VPS26A: variants seen among roughly 807,000 people sequenced by gnomAD.
The protein encoded by VPS26A is vacuolar protein sorting-associated protein 26A.
In VPS26A, 22 loss-of-function variants were observed where a neutral mutation model predicts 42.4. The ratio of observed to expected loss-of-function variants is 0.52; its 90% confidence interval spans 0.37 to 0.74. The LOEUF (loss-of-function observed/expected upper bound fraction) is 0.74. VPS26A is among the 30% of genes least tolerant of loss of function. VPS26A has a pLI of 0.00. For missense variants in VPS26A, 276 were observed against 379.2 expected, an observed-to-expected ratio of 0.73 and a Z score of 2.26; for synonymous variants, 110 against 123.5, an observed-to-expected ratio of 0.89 and a Z score of 0.73.
intron 6 of VPS26A, among the ~76,000 whole-genome samples, chr10:69,164,765 T>C (rs1338691619): frequency 6.6e-6 from 1 of 152,204 alleles, no homozygotes; most frequent in Non-Finnish European, 1.5e-5. Context: ...TTTTAAAATA[T>C]TAATTCATTT....
intron 7 of VPS26A, among the ~76,000 whole-genome samples, chr10:69,167,634 T>C (rs186194194): frequency 1.5e-3 from 222 of 149,390 alleles, no homozygotes; most frequent in African/African-American, 5.3e-3. Flanking sequence ...TCCCAGCTAC[T>C]CGGGAGGCTG....
rs1200347255 is a variant in VPS26A, at chr10:69,149,739, T to G, written c.154-6073T>G. On this transcript the variant is annotated intron_variant, in intron 2 of 8. Transcript: ENST00000263559. ...TAACTTTCTTGGTGTTTTTTGTTTT[T>G]TTTTTTTTTTTTTTTTTTTTTTTTT... is the stretch of plus-strand genomic sequence containing the variant. Among the ~76,000 whole-genome samples, 91 of 32,310 alleles carry G rather than the reference T, an allele frequency of 2.8e-3. 4 individuals are homozygous for G. The highest frequency in any genetic ancestry group is 5.6e-3 in the African/African-American group (76 of 13,630). The allele number at this position is 32,310 out of a possible 152,430, so 21.2% of individuals were successfully genotyped here.
At chr10:69,153,145 G>T (rs1161265110) in intron 2 of VPS26A, among the ~76,000 whole-genome samples, 1 of 150,956 alleles carries the variant, frequency 6.6e-6, no homozygotes, top group Non-Finnish European at 1.5e-5. Context: ...CGCCCCCCGG[G>T]TTCAAGTGAT....
intron 2 of VPS26A, among the ~76,000 whole-genome samples, chr10:69,138,765 A>C (rs1840977018): frequency 6.6e-6 from 1 of 152,168 alleles, no homozygotes; most frequent in Non-Finnish European, 1.5e-5. Context: ...TTACATGTAT[A>C]TCTCCTTTCT....
chr10:69,136,823 G>A (rs550869134), intron 2 of VPS26A, among the ~76,000 whole-genome samples: 211 of 148,758 alleles, frequency 1.4e-3, no homozygotes, highest in African/African-American at 5.1e-3. Context: ...ATGGAGTCTC[G>A]CTCTGTTGCC....
At chr10:69,163,375 C>T (rs1226591261) in intron 6 of VPS26A, among the ~76,000 whole-genome samples, 2 of 152,208 alleles carry the variant, frequency 1.3e-5, no homozygotes, top group Non-Finnish European at 2.9e-5. Flanking sequence ...CCACCTCTGC[C>T]TCCCAAAGTG....
chr10:69,149,473 G>C (rs1037567751), intron 2 of VPS26A, among the ~76,000 whole-genome samples: 1 of 152,142 alleles, frequency 6.6e-6, no homozygotes, highest in Admixed American at 6.5e-5. Flanking sequence ...TCCTGGACTG[G>C]AGAGGAAAAG....
intron 1 of VPS26A, 38 bp from the exon 2 acceptor site, chr10:69,132,860 T>C (rs1840816272): frequency 6.4e-7 from 1 of 1,553,584 alleles, no homozygotes; most frequent in South Asian, 1.2e-5. Flanking sequence ...AGTGACTGAC[T>C]AAACATGATA....
At chr10:69,136,701 G>A (rs967764451) in intron 2 of VPS26A, among the ~76,000 whole-genome samples, 4 of 152,128 alleles carry the variant, frequency 2.6e-5, no homozygotes, top group Non-Finnish European at 2.9e-5. Flanking sequence ...ACAAAGAGAC[G>A]TTATCTATAT....
At chr10:69,168,428 A>G in intron 7 of VPS26A, 61 bp from the exon 8 acceptor site, 2 of 1,556,218 alleles carry the variant, frequency 1.3e-6, no homozygotes, top group African/African-American at 1.4e-5. Flanking sequence ...GCTTAGTCCT[A>G]CCTGTTATGT....
intron 8 of VPS26A, 53 bp downstream of exon 8, chr10:69,168,684 T>C: frequency 1.9e-6 from 3 of 1,582,296 alleles, no homozygotes; most frequent in Non-Finnish European, 2.6e-6. Flanking sequence ...TAAAAATACC[T>C]CGAAAGCACT....
intron 2 of VPS26A, among the ~76,000 whole-genome samples, chr10:69,146,614 C>T (rs1269853676): frequency 1.3e-5 from 2 of 152,064 alleles, no homozygotes; most frequent in Admixed American, 1.3e-4. Flanking sequence ...ATCTACTGTC[C>T]GTTTCTATGA....
intron 7 of VPS26A, among the ~76,000 whole-genome samples, chr10:69,167,847 T>A (rs970417730): frequency 4.7e-5 from 7 of 150,518 alleles, no homozygotes; most frequent in Middle Eastern, 3.2e-3. Flanking sequence ...AAGAATGTCA[T>A]CATTCTGTCC....
At chr10:69,127,518 A>G (rs139491101) in intron 1 of VPS26A, among the ~76,000 whole-genome samples, 8,680 of 149,920 alleles carry the variant, frequency 0.058, 286 homozygotes, top group South Asian at 0.13. Flanking sequence ...GCGCCACTGC[A>G]CTCCGGCCTG....
intron 2 of VPS26A, among the ~76,000 whole-genome samples, chr10:69,151,283 ACAC>A (rs1437974017): frequency 8.2e-6 from 1 of 122,126 alleles, no homozygotes; most frequent in South Asian, 2.5e-4. Flanking sequence ...AAAAAAAAAA[ACAC>A]ACACACACAC....
intron 1 of VPS26A, among the ~76,000 whole-genome samples, chr10:69,124,658 G>A (rs1225217410): frequency 6.6e-6 from 1 of 152,194 alleles, no homozygotes; most frequent in South Asian, 2.1e-4. Flanking sequence ...TTCCATCCAG[G>A]TGGGGCGACC....
chr10:69,140,506 A>C (rs766404609), intron 2 of VPS26A, among the ~76,000 whole-genome samples: 1 of 152,060 alleles, frequency 6.6e-6, no homozygotes. Flanking sequence ...CTGAGCAGCT[A>C]GGACCACAGG....
chr10:69,151,282 A>AAAACACAC (rs71035063), intron 2 of VPS26A, among the ~76,000 whole-genome samples: 1 of 136,776 alleles, frequency 7.3e-6, no homozygotes, highest in African/African-American at 3.3e-5. Context: ...AAAAAAAAAA[A>AAAACACAC]ACACACACAC....
chr10:69,133,231 C>T (rs1030374250), intron 2 of VPS26A, among the ~76,000 whole-genome samples, 184 bp downstream of exon 2: 2 of 151,980 alleles, frequency 1.3e-5, no homozygotes, highest in South Asian at 2.1e-4. Flanking sequence ...AAGATTCTTA[C>T]CCTGGAAGGC....
Sources: allele counts gnomAD v4.1 joint callset (sites outside exome capture counted in the v4.1 genomes callset), GRCh38; gene constraint gnomAD v4.1.1; transcripts MANE v1.5; gene names NCBI Gene and HGNC (gene_info 2026-07-23, HGNC 2026-07-21).